The following RPS6KA6 variants were observed in gnomAD, a reference collection of about 807,000 sequenced individuals.
The protein encoded by RPS6KA6 is ribosomal protein S6 kinase alpha-6.
Under a neutral mutation model 65.4 loss-of-function variants are expected in RPS6KA6, and 27 were observed. The observed-to-expected ratio is 0.41, with a 90% CI of 0.30 to 0.57. RPS6KA6 has a LOEUF of 0.57. Ranked by LOEUF, RPS6KA6 falls within the 20% of genes least tolerant of loss-of-function variation. The pLI, the probability that RPS6KA6 is intolerant of heterozygous loss-of-function variation, is 0.24. For missense variants in RPS6KA6, 486 were observed against 555.6 expected, an observed-to-expected ratio of 0.87 and a Z score of 1.26; for synonymous variants, 190 against 184.2, an observed-to-expected ratio of 1.03 and a Z score of -0.26.
chrX:84,106,405 C>T lies in RPS6KA6; in HGVS notation c.1325G>A (p.Arg442Gln), dbSNP rs1412435395. ...CATGTTGGTAGTTGCATGTATGCAT[C>T]GCTTGCAAACAGAGTAGGAGCCAAC... ...IGVGSYSVCK[R>Q]CIHATTNMEF... The change falls in exon 15 of 22, where the codon CGA becomes CAA. Residue 442 changes from arginine to glutamine, a missense_variant. Arg to Gln is a conservative substitution (Grantham distance 43). Around this residue, in one of 3 missense-constraint regions of RPS6KA6, gnomAD observed 345 missense variants for 375.0 expected, o/e 0.92. Coordinates refer to ENST00000262752, the MANE Select transcript of RPS6KA6 (RefSeq NM_014496.5). The T allele has an allele frequency of 5.0e-6, 6 of 1,194,024 alleles. No individual in the cohort carries two copies. Among genetic ancestry groups the T allele is most frequent in the East Asian group, 3.0e-5 (1 of 33,335 alleles).
chrX:84,164,295 A>C, intron 2 of RPS6KA6, 33 bp downstream of exon 2: 1 of 1,057,141 alleles, frequency 9.5e-7, no homozygotes, highest in East Asian at 3.1e-5. Flanking sequence ...ATATGCTAAA[A>C]ATGTGGCTTA....
intron 20 of RPS6KA6, among the ~76,000 whole-genome samples, chrX:84,073,104 G>T (rs751358768): frequency 9.0e-6 from 1 of 111,445 alleles, no homozygotes; most frequent in Admixed American, 9.6e-5. Flanking sequence ...CAAAGCTGGA[G>T]GCATAACACT....
chrX:84,065,530 A>G (rs1272918150), intron 20 of RPS6KA6, among the ~76,000 whole-genome samples: 1 of 111,905 alleles, frequency 8.9e-6, no homozygotes, highest in African/African-American at 3.3e-5. Context: ...TAGTTAATCC[A>G]TTCAATAAAT....
chrX:84,137,954 T>A (rs2035023224), intron 6 of RPS6KA6, among the ~76,000 whole-genome samples: 1 of 112,160 alleles, frequency 8.9e-6, no homozygotes, highest in African/African-American at 3.2e-5. Context: ...TTTTCCTTCA[T>A]TATTTTAATG....
intron 8 of RPS6KA6, among the ~76,000 whole-genome samples, chrX:84,130,928 C>T (rs765141039): frequency 8.9e-6 from 1 of 111,819 alleles, no homozygotes; most frequent in South Asian, 3.7e-4. Context: ...GTGATAGTTA[C>T]AAGGCTGTAC....
At chrX:84,132,250 C>A (rs2034910764) in intron 8 of RPS6KA6, among the ~76,000 whole-genome samples, 1 of 110,550 alleles carries the variant, frequency 9.0e-6, no homozygotes, top group Non-Finnish European at 1.9e-5. Flanking sequence ...TAGCAAGACT[C>A]CGTCGCCACA....
chrX:84,081,282 G>C (rs2033793741), intron 20 of RPS6KA6, among the ~76,000 whole-genome samples: 2 of 110,938 alleles, frequency 1.8e-5, no homozygotes, highest in South Asian at 7.6e-4. Context: ...ATGACAAAGG[G>C]GATATAATCA....
intron 20 of RPS6KA6, among the ~76,000 whole-genome samples, chrX:84,081,633 TGA>T (rs1411585583): frequency 9.0e-6 from 1 of 111,561 alleles, no homozygotes; most frequent in African/African-American, 3.3e-5. Context: ...AGTATCATCC[TGA>T]GAGCAAACCT....
chrX:84,182,594 T>C (rs1378362228), intron 1 of RPS6KA6, among the ~76,000 whole-genome samples: 1 of 111,761 alleles, frequency 8.9e-6, no homozygotes, highest in Non-Finnish European at 1.9e-5. Flanking sequence ...GGCCTTATCA[T>C]GGAACACAGA....
intron 19 of RPS6KA6, 23 bp downstream of exon 19, chrX:84,097,749 G>T (rs762547265): frequency 1.0e-6 from 1 of 995,837 alleles, no homozygotes; most frequent in East Asian, 3.1e-5. Flanking sequence ...CAATGTTAAT[G>T]CTTTTGAATA....
intron 17 of RPS6KA6, among the ~76,000 whole-genome samples, chrX:84,103,783 C>T (rs188795070): frequency 1.4e-4 from 16 of 110,881 alleles, no homozygotes; most frequent in African/African-American, 5.2e-4. Flanking sequence ...AAACCACACA[C>T]AAAATTGAGT....
intron 15 of RPS6KA6, 60 bp downstream of exon 15, chrX:84,106,305 G>C: frequency 9.5e-7 from 1 of 1,053,527 alleles, no homozygotes; most frequent in Non-Finnish European, 1.3e-6. Flanking sequence ...TTTGTCAGTT[G>C]ACTCATAATT....
At chrX:84,066,847 G>A (rs1216112913) in intron 20 of RPS6KA6, among the ~76,000 whole-genome samples, 1 of 111,604 alleles carries the variant, frequency 9.0e-6, no homozygotes, top group Non-Finnish European at 1.9e-5. Context: ...TCCCAACAGG[G>A]GTCAACAGAC....
At chrX:84,174,803 A>G (rs944392457) in intron 1 of RPS6KA6, among the ~76,000 whole-genome samples, 6 of 111,452 alleles carry the variant, frequency 5.4e-5, no homozygotes, top group African/African-American at 1.6e-4. Flanking sequence ...GAGGAAAGGG[A>G]TCTCATCATA....
chrX:84,079,527 G>C (rs60931799), intron 20 of RPS6KA6, among the ~76,000 whole-genome samples: 11,430 of 110,147 alleles, frequency 0.1, 695 homozygotes, highest in East Asian at 0.52. Flanking sequence ...AAGAGGTCTA[G>C]CTCAGCAGAT....
At chrX:84,121,489 C>T (rs1255815061) in intron 8 of RPS6KA6, among the ~76,000 whole-genome samples, 1 of 112,292 alleles carries the variant, frequency 8.9e-6, no homozygotes, top group Non-Finnish European at 1.9e-5. Flanking sequence ...TTGTGTATCA[C>T]TGATCAAACA....
At chrX:84,146,548 A>T (rs2035202754) in intron 5 of RPS6KA6, among the ~76,000 whole-genome samples, 1 of 111,683 alleles carries the variant, frequency 9.0e-6, no homozygotes, top group Non-Finnish European at 1.9e-5. Context: ...CTCTCCCATT[A>T]AGTATAAAAA....
intron 1 of RPS6KA6, among the ~76,000 whole-genome samples, chrX:84,182,063 TCACA>T (rs760743646): frequency 3.7e-3 from 122 of 32,790 alleles, no homozygotes; most frequent in Middle Eastern, 0.044. Context: ...TCTCTCTCTC[TCACA>T]CACACACACA....
At chrX:84,150,926 GAT>G (rs1296419185) in intron 3 of RPS6KA6, among the ~76,000 whole-genome samples, 4 of 73,425 alleles carry the variant, frequency 5.4e-5, no homozygotes, top group East Asian at 9.4e-4. Context: ...ATATATATAG[GAT>G]ATATATATAG....
Sources: allele counts gnomAD v4.1 joint callset (sites outside exome capture counted in the v4.1 genomes callset), GRCh38; gene constraint gnomAD v4.1.1; regional missense constraint gnomAD v4.1.1; transcripts MANE v1.5; gene names NCBI Gene and HGNC (gene_info 2026-07-23, HGNC 2026-07-21).